The following IPP variants were observed in gnomAD, a reference collection of about 807,000 sequenced individuals.
IPP encodes intracisternal A particle-promoted polypeptide.
IPP carries 41 observed loss-of-function variants against 64.1 expected under a neutral mutation model. That is an observed-to-expected ratio of 0.64 (90% CI 0.50 to 0.83). IPP has a LOEUF of 0.83. Among genes scored for constraint, IPP ranks in the 40% least tolerant of loss-of-function variants. The pLI is 0.00. For missense variants in IPP, 649 were observed against 703.0 expected, an observed-to-expected ratio of 0.92 and a Z score of 0.87; for synonymous variants, 214 against 235.2, an observed-to-expected ratio of 0.91 and a Z score of 0.83.
At chr1:45,732,836 T>C (rs1031682935) in intron 3 of IPP, among the ~76,000 whole-genome samples, 11 of 151,900 alleles carry the variant, frequency 7.2e-5, no homozygotes, top group Admixed American at 2.0e-4. Flanking sequence ...CTGGCTAATT[T>C]TTGTATTTAT....
chr1:45,735,936 C>A (rs1445482880), intron 3 of IPP, among the ~76,000 whole-genome samples: 1 of 148,736 alleles, frequency 6.7e-6, no homozygotes, highest in Admixed American at 6.6e-5. Flanking sequence ...ATGGTGAAAC[C>A]CTGTCTCTAC....
chr1:45,730,811 C>T (rs1242424615), intron 3 of IPP, among the ~76,000 whole-genome samples: 1 of 152,206 alleles, frequency 6.6e-6, no homozygotes, highest in Non-Finnish European at 1.5e-5. Flanking sequence ...GGTCAACTAA[C>T]AAAATCTTGA....
intron 4 of IPP, among the ~76,000 whole-genome samples, chr1:45,728,571 T>C (rs1297877014): frequency 6.6e-6 from 1 of 152,024 alleles, no homozygotes; most frequent in African/African-American, 2.4e-5. Flanking sequence ...CTCTGCTCAC[T>C]GCAACCTCTG....
Position 45,746,107 on chromosome 1 carries a change from T to C in IPP, c.292+13A>G. ...TCATTCTTCAGTCAAAGCAACAGACTCATGTAACATACCTGTGTAAATGAA... is the reference window on the plus strand; with the variant it reads ...TCATTCTTCAGTCAAAGCAACAGACCCATGTAACATACCTGTGTAAATGAA... On this transcript the variant is annotated intron_variant, in intron 2 of 8. Transcript: ENST00000396478. 1 of 1,596,610 alleles carries C rather than the reference T, an allele frequency of 6.3e-7. No individual in the cohort carries two copies. Among genetic ancestry groups the C allele is most frequent in the Non-Finnish European group, 8.6e-7 (1 of 1,165,354 alleles).
At chr1:45,749,708 G>A (rs1007506834) in intron 1 of IPP, among the ~76,000 whole-genome samples, 1 of 151,612 alleles carries the variant, frequency 6.6e-6, no homozygotes, top group African/African-American at 2.4e-5. Flanking sequence ...TTTTAGTAGA[G>A]ACGGGGTTTC....
chr1:45,725,680 G>T (rs1216924441), intron 5 of IPP, among the ~76,000 whole-genome samples: 3 of 140,454 alleles, frequency 2.1e-5, no homozygotes, highest in Non-Finnish European at 4.7e-5. Flanking sequence ...TGAGAAATCG[G>T]ATGGTTGCCG....
At chr1:45,694,988 C>T (rs186676850), downstream of IPP, 279 of 153,222 alleles carry the variant, frequency 1.8e-3, 1 homozygote, top group Non-Finnish European at 3.1e-3. Context: ...CGAGTTCAAG[C>T]GATTCTCCTG....
intron 3 of IPP, among the ~76,000 whole-genome samples, chr1:45,737,457 CTTT>C (rs778748035): frequency 7.4e-5 from 9 of 121,244 alleles, no homozygotes; most frequent in Non-Finnish European, 7.1e-5. Context: ...ATAAACAATT[CTTT>C]TTTTTTTTTT....
chr1:45,707,192 G>A (rs546131453), intron 8 of IPP, among the ~76,000 whole-genome samples: 13 of 152,210 alleles, frequency 8.5e-5, no homozygotes, highest in Non-Finnish European at 1.0e-4. Flanking sequence ...CGGAGGCCGA[G>A]GCGGGTGGAT....
intron 6 of IPP, among the ~76,000 whole-genome samples, chr1:45,718,534 G>A (rs1359214535): frequency 6.6e-6 from 1 of 151,326 alleles, no homozygotes; most frequent in Admixed American, 6.6e-5. Flanking sequence ...TCCCCCGCCT[G>A]AGTGCCTCCT....
chr1:45,740,038 T>C (rs1229149512), intron 3 of IPP, among the ~76,000 whole-genome samples: 5 of 152,174 alleles, frequency 3.3e-5, no homozygotes, highest in African/African-American at 1.2e-4. Context: ...ACGAGCATGC[T>C]GCCTTCAAGC....
intron 5 of IPP, among the ~76,000 whole-genome samples, chr1:45,724,910 G>A (rs1645791839): frequency 2.0e-5 from 3 of 147,144 alleles, no homozygotes; most frequent in Middle Eastern, 3.7e-3. Context: ...CCCCCCGCCC[G>A]GCCAGCCGCC....
intron 8 of IPP, among the ~76,000 whole-genome samples, chr1:45,701,199 A>G (rs996213594): frequency 6.6e-6 from 1 of 152,272 alleles, no homozygotes; most frequent in Non-Finnish European, 1.5e-5. Context: ...GCTTTTACAC[A>G]AAAAGTTTGC....
intron 4 of IPP, 121 bp from the exon 5 acceptor site, chr1:45,727,919 T>A: frequency 1.5e-6 from 1 of 668,864 alleles, no homozygotes; most frequent in Non-Finnish European, 2.2e-6. Context: ...ATACATATAA[T>A]GTAATATTCT....
At position 45,746,294 on chromosome 1, in the gene IPP, G is replaced by A; in HGVS notation, c.118C>T (p.Gln40Ter). The A allele has an allele frequency of 6.2e-7, 1 of 1,614,148 alleles. No homozygotes were observed. Among genetic ancestry groups the A allele is most frequent in the Middle Eastern group, 1.6e-4 (1 of 6,062 alleles). Residue 40 changes from glutamine (Q) to a stop codon, truncating the protein, a stop_gained, in exon 2 of 9, where the codon CAG (glutamine) becomes TAG (stop). Coordinates refer to ENST00000396478, the MANE Select transcript of IPP (RefSeq NM_005897.3). LOFTEE classifies it high-confidence loss of function. ...AAACTTTCCTGTCCAACTTGCAGCT[G>A]CACATCACAGAAATGCTGTCCATTT... Reference protein sequence around the residue: ...MRNGQHFCDVQLQVGQESFKA... With the variant: ...MRNGQHFCDV
At chr1:45,703,059 A>C (rs1645474547) in intron 8 of IPP, among the ~76,000 whole-genome samples, 1 of 152,032 alleles carries the variant, frequency 6.6e-6, no homozygotes, top group East Asian at 1.9e-4. Context: ...ATCTAGTTTT[A>C]ATCCAGATTT....
At chr1:45,738,839 C>CAAAAAAAA (rs752168393) in intron 3 of IPP, among the ~76,000 whole-genome samples, 1 of 7,644 alleles carries the variant, frequency 1.3e-4, no homozygotes, top group Admixed American at 1.3e-3. Flanking sequence ...GACTCCATCT[C>CAAAAAAAA]AAAAAAAAAA....
At chr1:45,702,744 T>G (rs1436977379) in intron 8 of IPP, among the ~76,000 whole-genome samples, 16 of 152,124 alleles carry the variant, frequency 1.1e-4, no homozygotes, top group Admixed American at 1.0e-3. Flanking sequence ...CATGAGCCAC[T>G]GCACCCGACC....
chr1:45,731,285 T>C (rs1645901253), intron 3 of IPP, among the ~76,000 whole-genome samples: 1 of 151,826 alleles, frequency 6.6e-6, no homozygotes, highest in Admixed American at 6.6e-5. Flanking sequence ...TACAAAAAAT[T>C]TTAAAATGAG....
Sources: allele counts gnomAD v4.1 joint callset (sites outside exome capture counted in the v4.1 genomes callset), GRCh38; gene constraint gnomAD v4.1.1; transcripts MANE v1.5; gene names NCBI Gene and HGNC (gene_info 2026-07-23, HGNC 2026-07-21).